ANKFN1: variants seen among roughly 807,000 people sequenced by gnomAD.
ANKFN1 encodes ankyrin repeat and fibronectin type-III domain-containing protein 1.
Under a neutral mutation model 108.7 loss-of-function variants are expected in ANKFN1, and 74 were observed. That is an observed-to-expected ratio of 0.68 (90% CI 0.56 to 0.83). The LOEUF (loss-of-function observed/expected upper bound fraction) is 0.83. ANKFN1 is among the 40% of genes least tolerant of loss of function. The probability of loss-of-function intolerance (pLI) is 0.00; values close to 1 mark genes in which losing one functional copy is unlikely to be tolerated. For synonymous variants in ANKFN1, 547 were observed against 516.2 expected (o/e 1.06, Z -0.81); for missense variants, 1,505 against 1,382.3 (o/e 1.09, Z -1.41).
chr17:56,072,730 G>C (rs1190935937), intron 4 of ANKFN1, among the ~76,000 whole-genome samples: 1 of 152,204 alleles, frequency 6.6e-6, no homozygotes. Flanking sequence ...CCTAGCACAG[G>C]CTCTGGCCTG....
intron 4 of ANKFN1, among the ~76,000 whole-genome samples, chr17:56,135,529 A>G (rs1907546689): frequency 6.6e-6 from 1 of 152,192 alleles, no homozygotes; most frequent in Non-Finnish European, 1.5e-5. Context: ...GAGAAGCCAC[A>G]TGAAGATTCT....
At chr17:56,270,364 G>A (rs2043761362) in intron 3 of ANKFN1, among the ~76,000 whole-genome samples, 1 of 152,220 alleles carries the variant, frequency 6.6e-6, no homozygotes, top group Non-Finnish European at 1.5e-5. Flanking sequence ...TTGAGGGAAA[G>A]GGTTTTCTCT....
intron 3 of ANKFN1, among the ~76,000 whole-genome samples, chr17:56,323,028 T>C (rs1285867665): frequency 6.6e-6 from 1 of 152,178 alleles, no homozygotes; most frequent in Non-Finnish European, 1.5e-5. Flanking sequence ...AGGAGAAAGA[T>C]GCAAAATAAA....
chr17:56,411,328 A>T (rs954482845), intron 8 of ANKFN1, among the ~76,000 whole-genome samples: 1 of 152,074 alleles, frequency 6.6e-6, no homozygotes, highest in African/African-American at 2.4e-5. Context: ...TAATTTTTTT[A>T]AATTTGATTT....
At chr17:56,419,977 A>G (rs2145047360) in intron 8 of ANKFN1, among the ~76,000 whole-genome samples, 1 of 152,292 alleles carries the variant, frequency 6.6e-6, no homozygotes, top group African/African-American at 2.4e-5. Context: ...CTGGTTCCCC[A>G]TACCTTTCCA....
At chr17:56,162,177 G>C (rs1280297850) in intron 1 of ANKFN1, among the ~76,000 whole-genome samples, 1 of 152,052 alleles carries the variant, frequency 6.6e-6, no homozygotes, top group Non-Finnish European at 1.5e-5. Context: ...CCTAAAAGAA[G>C]TCAGGATTCT....
intron 8 of ANKFN1, among the ~76,000 whole-genome samples, chr17:56,425,453 T>C (rs1469351955): frequency 6.6e-6 from 1 of 152,252 alleles, no homozygotes; most frequent in African/African-American, 2.4e-5. Context: ...AATGCAAATC[T>C]GATCACATAA....
intron 3 of ANKFN1, among the ~76,000 whole-genome samples, chr17:56,296,980 T>C (rs1470276915): frequency 6.6e-6 from 1 of 152,236 alleles, no homozygotes; most frequent in African/African-American, 2.4e-5. Context: ...CCATGGTGAA[T>C]AGTACCAGAG....
chr17:56,230,711 T>C (rs1916670522), intron 3 of ANKFN1, among the ~76,000 whole-genome samples: 1 of 152,092 alleles, frequency 6.6e-6, no homozygotes, highest in Non-Finnish European at 1.5e-5. Flanking sequence ...GTGAGAAAGT[T>C]GCCAAAGAAA....
intron 4 of ANKFN1, among the ~76,000 whole-genome samples, chr17:56,079,983 G>T (rs571669997): frequency 6.6e-6 from 1 of 152,108 alleles, no homozygotes; most frequent in South Asian, 2.1e-4. Flanking sequence ...GAACAGTTGG[G>T]CAAGTCACAA....
intron 4 of ANKFN1, among the ~76,000 whole-genome samples, chr17:56,112,099 A>G (rs1905997164): frequency 6.6e-6 from 1 of 152,248 alleles, no homozygotes; most frequent in South Asian, 2.1e-4. Context: ...TGTTATAGTG[A>G]TATAAAAATT....
chr17:56,048,055 A>G (rs1215892500), intron 4 of ANKFN1, among the ~76,000 whole-genome samples: 8 of 152,140 alleles, frequency 5.3e-5, no homozygotes, highest in Admixed American at 1.3e-4. Flanking sequence ...CATTTTTGAC[A>G]CGGTTGTAAC....
chr17:56,127,370 G>A (rs544437378), intron 4 of ANKFN1, among the ~76,000 whole-genome samples: 9 of 152,236 alleles, frequency 5.9e-5, no homozygotes, highest in African/African-American at 1.9e-4. Context: ...CTGGACTGCA[G>A]TGGCACGGTC....
At chr17:56,343,140 C>A (rs1383226433) in intron 4 of ANKFN1, among the ~76,000 whole-genome samples, 1 of 151,744 alleles carries the variant, frequency 6.6e-6, no homozygotes, top group Non-Finnish European at 1.5e-5. Context: ...TTTCTGTTTT[C>A]CATTTGTTTG....
At position 56,476,071 on chromosome 17, in the gene ANKFN1, A is replaced by G. The variant is rs2050488784; in HGVS notation, c.1774-1417A>G. 3.9e-5 allele frequency among the ~76,000 whole-genome samples: 6 copies of G among 152,170 alleles called. 1 individual carries two copies. The South Asian group carries it at 1.2e-3, about 32-fold the overall frequency. ...GGCAGGAAGTGCCACACACTTTTAAACCATCAGATCTTGTGAGAACTCACT... is the reference window on the plus strand; with the variant it reads ...GGCAGGAAGTGCCACACACTTTTAAGCCATCAGATCTTGTGAGAACTCACT... On this transcript the variant is annotated intron_variant, in intron 15 of 20. Transcript: ENST00000682825.
chr17:56,455,706 T>G (rs1205324953), intron 11 of ANKFN1, among the ~76,000 whole-genome samples: 4 of 152,206 alleles, frequency 2.6e-5, no homozygotes, highest in Admixed American at 2.6e-4. Context: ...TTATAGGAAG[T>G]ATAGGAAGCC....
At chr17:56,167,033 A>G (rs553313242) in intron 1 of ANKFN1, among the ~76,000 whole-genome samples, 31 of 152,120 alleles carry the variant, frequency 2.0e-4, no homozygotes, top group South Asian at 8.3e-4. Context: ...TAGAAAATCA[A>G]TAATGACTTG....
At chr17:56,456,131 C>T (rs1039610770) in intron 11 of ANKFN1, among the ~76,000 whole-genome samples, 6 of 152,040 alleles carry the variant, frequency 3.9e-5, no homozygotes, top group Non-Finnish European at 7.3e-5. Context: ...TAACACAATA[C>T]GTAGACTTAC....
chr17:56,266,015 T>C (rs569962467), intron 3 of ANKFN1, among the ~76,000 whole-genome samples: 69 of 152,338 alleles, frequency 4.5e-4, no homozygotes, highest in African/African-American at 1.7e-3. Flanking sequence ...GAAGAGTATC[T>C]AGCTACTGGC....
Sources: allele counts gnomAD v4.1 joint callset (sites outside exome capture counted in the v4.1 genomes callset), GRCh38; gene constraint gnomAD v4.1.1; transcripts MANE v1.5; gene names NCBI Gene and HGNC (gene_info 2026-07-23, HGNC 2026-07-21).